The following PAFAH1B1 variants were observed in gnomAD, a reference collection of about 807,000 sequenced individuals.
PAFAH1B1 encodes the protein platelet-activating factor acetylhydrolase IB subunit beta.
In PAFAH1B1, 2 loss-of-function variants were observed where a neutral mutation model predicts 57.5. The ratio of observed to expected loss-of-function variants is 0.03; its 90% confidence interval spans 0.01 to 0.11. The LOEUF (loss-of-function observed/expected upper bound fraction) is 0.11, where lower values mean the gene tolerates loss of function less well. Among genes scored for constraint, PAFAH1B1 ranks in the 10% least tolerant of loss-of-function variants. PAFAH1B1 has a pLI of 1.00. For missense variants in PAFAH1B1, 257 were observed against 512.0 expected, an observed-to-expected ratio of 0.50 and a Z score of 4.81; for synonymous variants, 152 against 169.6, an observed-to-expected ratio of 0.90 and a Z score of 0.81.
chr17:2,624,013 A>C (rs1411048221), intron 1 of PAFAH1B1, among the ~76,000 whole-genome samples: 1 of 152,180 alleles, frequency 6.6e-6, no homozygotes, highest in African/African-American at 2.4e-5. Context: ...CTGCTTAGAA[A>C]TTTCTTTTGC....
intron 1 of PAFAH1B1, among the ~76,000 whole-genome samples, chr17:2,618,547 A>G (rs996761313): frequency 6.6e-6 from 1 of 152,148 alleles, no homozygotes; most frequent in Admixed American, 6.5e-5. Flanking sequence ...TTTTTCAGAT[A>G]CGTGATGCAA....
intron 5 of PAFAH1B1, 98 bp from the exon 6 acceptor site, chr17:2,670,065 T>C (rs1240228641): frequency 2.2e-6 from 2 of 923,412 alleles, no homozygotes; most frequent in African/African-American, 3.2e-5. Context: ...GTTCGGTTAG[T>C]TACTCAGTAA....
intron 2 of PAFAH1B1, among the ~76,000 whole-genome samples, chr17:2,656,822 A>G (rs184505520): frequency 1.3e-5 from 2 of 152,246 alleles, no homozygotes; most frequent in Non-Finnish European, 2.9e-5. Flanking sequence ...GTCTTTTAAA[A>G]TTACTGTTTT....
At chr17:2,610,748 C>T (rs2068258949) in intron 1 of PAFAH1B1, among the ~76,000 whole-genome samples, 2 of 152,192 alleles carry the variant, frequency 1.3e-5, no homozygotes, top group Admixed American at 1.3e-4. Context: ...TCTCATGGGG[C>T]TCTCATAAAG....
At chr17:2,593,402 G>A (rs1363837632), upstream of PAFAH1B1, 2 of 152,550 alleles carry the variant, frequency 1.3e-5, no homozygotes, top group Non-Finnish European at 2.9e-5. Flanking sequence ...CTCTCCCAAG[G>A]TTAACAGAAG....
At chr17:2,655,495 G>A (rs1597558554) in intron 2 of PAFAH1B1, among the ~76,000 whole-genome samples, 1 of 152,128 alleles carries the variant, frequency 6.6e-6, no homozygotes, top group East Asian at 1.9e-4. Context: ...CCAACATGGA[G>A]AAAACATGTC....
intron 1 of PAFAH1B1, among the ~76,000 whole-genome samples, chr17:2,617,238 A>G (rs1252677596): frequency 1.3e-5 from 2 of 152,232 alleles, no homozygotes; most frequent in Non-Finnish European, 2.9e-5. Context: ...CTTGCCTTTA[A>G]TACTGGAGTT....
chr17:2,660,821 C>G (rs1371627371), intron 2 of PAFAH1B1, among the ~76,000 whole-genome samples: 9 of 152,168 alleles, frequency 5.9e-5, no homozygotes, highest in Admixed American at 3.3e-4. Flanking sequence ...CTTGAGGAAT[C>G]ACCACACTAT....
intron 1 of PAFAH1B1, among the ~76,000 whole-genome samples, chr17:2,632,627 T>C (rs1292036889): frequency 6.6e-6 from 1 of 152,154 alleles, no homozygotes; most frequent in African/African-American, 2.4e-5. Flanking sequence ...ATAGAAAATA[T>C]TAGAAAAAAA....
At position 2,684,636 on chromosome 17, in the gene PAFAH1B1, C is replaced by T. The variant is rs995785677; in HGVS notation, c.*2834C>T. 6.6e-6 allele frequency: 1 copy of T among 152,644 alleles called. No homozygotes were observed. Among genetic ancestry groups the T allele is most frequent in the Non-Finnish European group, 1.5e-5 (1 of 68,058 alleles). The allele number at this position is 152,644 out of a possible 1,614,324, so 9.5% of individuals were successfully genotyped here. A position where few individuals can be genotyped will look rare whatever the true frequency, so the allele number is the denominator to read the frequency against. On this transcript the variant is annotated 3_prime_UTR_variant, in exon 11 of 11. Transcript: ENST00000397195. Reference sequence around the variant, plus strand: ...ATGCCATGGAGACTGGTTTAGACACCGCGTGGAGCCTAGTTGCCTGTTGTC... The same window carrying T: ...ATGCCATGGAGACTGGTTTAGACACTGCGTGGAGCCTAGTTGCCTGTTGTC...
In PAFAH1B1 at chr17:2,638,098, G is replaced by T; in HGVS notation, c.-190-1G>T. 1.9e-6 allele frequency: 1 copy of T among 516,040 alleles called. No homozygotes were observed. The allele number at this position is 516,040 out of a possible 1,614,324, so 32.0% of individuals were successfully genotyped here. On this transcript the variant is annotated splice_acceptor_variant, in intron 1 of 10. Transcript: ENST00000397195. LOFTEE classifies it low-confidence loss of function (5UTR_SPLICE). ...TTTTTTTTTCTTCTCTTTCTCCTTA[G>T]GTGGAATGAATCTTACTTGTTGAAT...
intron 2 of PAFAH1B1, among the ~76,000 whole-genome samples, chr17:2,643,435 T>C (rs139944997): frequency 1.1e-3 from 169 of 152,218 alleles, no homozygotes; most frequent in Non-Finnish European, 2.2e-3. Flanking sequence ...AGCTAATTTT[T>C]CTTTAGTTTT....
At chr17:2,597,741 T>C (rs960497319) in intron 1 of PAFAH1B1, among the ~76,000 whole-genome samples, 1 of 136,236 alleles carries the variant, frequency 7.3e-6, no homozygotes, top group Non-Finnish European at 1.7e-5. Flanking sequence ...AATATAAATG[T>C]TTCTCTCTCA....
chr17:2,628,508 G>A (rs1039791185), intron 1 of PAFAH1B1, among the ~76,000 whole-genome samples: 2 of 151,990 alleles, frequency 1.3e-5, no homozygotes, highest in East Asian at 3.8e-4. Flanking sequence ...TAGCATCTAT[G>A]TTCATTAAGG....
At chr17:2,643,268 T>G (rs1385398176) in intron 2 of PAFAH1B1, among the ~76,000 whole-genome samples, 2 of 151,998 alleles carry the variant, frequency 1.3e-5, no homozygotes, top group Non-Finnish European at 2.9e-5. Flanking sequence ...CAGCTAATTT[T>G]TTCCTTTGCC....
At chr17:2,674,015 C>G in intron 7 of PAFAH1B1, 45 bp from the exon 8 acceptor site, 2 of 1,372,606 alleles carry the variant, frequency 1.5e-6, no homozygotes, top group Non-Finnish European at 2.1e-6. Context: ...GGGAAGTGTC[C>G]TGATGATTGT....
intron 1 of PAFAH1B1, among the ~76,000 whole-genome samples, chr17:2,614,948 C>T (rs1431383048): frequency 6.6e-6 from 1 of 152,142 alleles, no homozygotes; most frequent in Non-Finnish European, 1.5e-5. Flanking sequence ...CGAAAACAGT[C>T]AATGTTTGTC....
At chr17:2,657,869 T>C (rs1228963584) in intron 2 of PAFAH1B1, among the ~76,000 whole-genome samples, 1 of 152,210 alleles carries the variant, frequency 6.6e-6, no homozygotes, top group Non-Finnish European at 1.5e-5. Context: ...TCATCCCTTC[T>C]TCCTCTTTCC....
rs1341767210 is a variant in PAFAH1B1, at chr17:2,676,615, G to T, written c.1002+9G>T. ...TGTGCCTTATGACCCTCGTAAGTTT[G>T]CATAATCTTACCATTTCTTTTGCAT... On this transcript the variant is annotated intron_variant, in intron 9 of 10. Coordinates refer to ENST00000397195, the MANE Select transcript of PAFAH1B1 (RefSeq NM_000430.4). 6.7e-7 allele frequency: 1 copy of T among 1,502,260 alleles called. No individual in the cohort carries two copies. Among genetic ancestry groups the T allele is most frequent in the East Asian group, 2.3e-5 (1 of 44,338 alleles). The allele number at this position is 1,502,260 out of a possible 1,614,324, so 93.1% of individuals were successfully genotyped here.
Sources: allele counts gnomAD v4.1 joint callset (sites outside exome capture counted in the v4.1 genomes callset), GRCh38; gene constraint gnomAD v4.1.1; transcripts MANE v1.5; gene names NCBI Gene and HGNC (gene_info 2026-07-23, HGNC 2026-07-21).